The following OTOP1 variants were observed in gnomAD, a reference collection of about 807,000 sequenced individuals.
OTOP1 encodes the protein proton channel OTOP1.
A neutral mutation model predicts 52.9 loss-of-function variants in OTOP1; 59 were observed. That is an observed-to-expected ratio of 1.12 (90% CI 0.91 to 1.39). OTOP1 has a LOEUF of 1.39. Ranked by LOEUF, OTOP1 falls within the 40% of genes most tolerant of loss-of-function variation. The pLI, the probability that OTOP1 is intolerant of heterozygous loss-of-function variation, is 0.00. For synonymous variants in OTOP1, 317 were observed against 337.7 expected (o/e 0.94, Z 0.67); for missense variants, 761 against 800.9 (o/e 0.95, Z 0.60).
intron 1 of OTOP1, among the ~76,000 whole-genome samples, chr4:4,216,035 G>A (rs1471436082): frequency 6.6e-6 from 1 of 152,054 alleles, no homozygotes; most frequent in Non-Finnish European, 1.5e-5. Flanking sequence ...CTGGCCTCAA[G>A]TGGTCCGCCT....
chr4:4,213,074 A>G, intron 1 of OTOP1, 70 bp from the exon 2 acceptor site: 1 of 1,546,578 alleles, frequency 6.5e-7, no homozygotes, highest in Non-Finnish European at 8.9e-7. Context: ...TCATTTCAAA[A>G]TAAATTATAT....
In OTOP1 at chr4:4,200,869, T is replaced by C. The variant is rs931193844; in HGVS notation, c.730+1579A>G. Among the ~76,000 whole-genome samples the C allele has an allele frequency of 5.3e-5, 8 of 152,188 alleles. No individual in the cohort carries two copies. In the South Asian group the frequency reaches 1.7e-3, roughly 32 times the overall value. ...CACTGCCCCCGATAATAATCTTCAA[T>C]TCAAGCAGGGCTTCCCTAGCACTTA... On this transcript the variant is annotated intron_variant, in intron 4 of 5. Transcript: ENST00000296358.
At position 4,212,751 on chromosome 4, in the gene OTOP1, G is replaced by T. The variant is rs1717052706; in HGVS notation, c.540+117C>A. ...CAAAGACAGATTTCAGTTCACTGCA[G>T]TTCACAGCTGTGCACACTGTCTCCA... On this transcript the variant is annotated intron_variant, in intron 2 of 5. Coordinates refer to ENST00000296358, the MANE Select transcript of OTOP1 (RefSeq NM_177998.3). 2.5e-6 allele frequency: 3 copies of T among 1,180,832 alleles called. No homozygotes were observed. In the East Asian group the frequency reaches 7.2e-5, roughly 28 times the overall value. The allele number at this position is 1,180,832 out of a possible 1,614,324, so 73.1% of individuals were successfully genotyped here.
In OTOP1 at chr4:4,226,539, C is replaced by G. The variant is rs765991937; in HGVS notation, c.326G>C (p.Trp109Ser). 5 of 1,602,596 alleles carry G rather than the reference C, an allele frequency of 3.1e-6. No individual in the cohort carries two copies. Among genetic ancestry groups the G allele is most frequent in the Non-Finnish European group, 1.7e-6 (2 of 1,178,170 alleles). The change falls in exon 1 of 6, where the codon TGG becomes TCG. Residue 109 changes from tryptophan to serine, a missense_variant. Transcript: ENST00000296358. ...GTGCGCGGAGCTGCGGCCCACGTACCACAGCATCCACAGCAGCTGCAGCAG... is the reference window on the plus strand; with the variant it reads ...GTGCGCGGAGCTGCGGCCCACGTACGACAGCATCCACAGCAGCTGCAGCAG... ...LMLLQLLWMLWYVGRSSAHRR... is the reference protein window; with the variant it reads ...LMLLQLLWMLSYVGRSSAHRR...
intron 1 of OTOP1, among the ~76,000 whole-genome samples, chr4:4,222,697 T>C (rs889088091): frequency 6.6e-6 from 1 of 152,220 alleles, no homozygotes; most frequent in Non-Finnish European, 1.5e-5. Context: ...ATCACTGCTC[T>C]TTTTCCTGAG....
At chr4:4,213,747 T>C (rs1478732843) in intron 1 of OTOP1, among the ~76,000 whole-genome samples, 1 of 152,202 alleles carries the variant, frequency 6.6e-6, no homozygotes, top group African/African-American at 2.4e-5. Flanking sequence ...ACCTTTTGGA[T>C]ACTGAAAATA....
At position 4,197,312 on chromosome 4, in the gene OTOP1, T is replaced by G. The variant is rs1413591106; in HGVS notation, c.1522A>C (p.Ser508Arg). 3.1e-6 allele frequency: 5 copies of G among 1,613,974 alleles called. No homozygotes were observed. Among genetic ancestry groups the G allele is most frequent in the Non-Finnish European group, 4.2e-6 (5 of 1,180,036 alleles). ...TGCTTCTCCTCCTCCTTGTCATGGC[T>G]TTCTCTCATGCACACATTTCCATTG... ...AANGNVCMRE[S>R]HDKEEEKQEE... is the part of the protein sequence containing the mutation. The change falls in exon 5 of 6, where the codon AGC (serine) becomes CGC (arginine). Residue 508 changes from serine to arginine, a missense_variant. Ser to Arg is a moderately radical substitution (Grantham distance 110, BLOSUM62 -1). This residue lies in a region of OTOP1 where 632 missense variants were observed against 619.5 expected (regional missense o/e 1.02). Transcript: ENST00000296358.
At chr4:4,218,054 G>A (rs1271587894) in intron 1 of OTOP1, among the ~76,000 whole-genome samples, 1 of 152,164 alleles carries the variant, frequency 6.6e-6, no homozygotes, top group African/African-American at 2.4e-5. Flanking sequence ...TTGTCATACA[G>A]AATAGACATT....
At position 4,202,491 on chromosome 4, in the gene OTOP1, G is replaced by A. The variant is rs1433502713; in HGVS notation, c.687C>T (p.His229=). Residue 229 remains histidine (H), a synonymous_variant, in exon 4 of 6, where the codon CAC becomes CAT. Transcript: ENST00000296358. ...AACCCAGAGTGATGAGCCGTTCCTT[G>A]TGCTCATTGAGTTGGTGCTTTGACT... ...LNESKHQLNE[H]KERLITLGFG... 7 of 1,613,936 alleles carry A rather than the reference G, an allele frequency of 4.3e-6. No individual in the cohort carries two copies. Among genetic ancestry groups the A allele is most frequent in the African/African-American group, 1.3e-5 (1 of 74,916 alleles).
rs199742451 is a variant in OTOP1 at position 4,188,849 on chromosome 4, C to G, written c.1793G>C (p.Arg598Pro). 1 of 1,613,776 alleles carries G rather than the reference C, an allele frequency of 6.2e-7. No homozygotes were observed. Among genetic ancestry groups the G allele is most frequent in the East Asian group, 2.2e-5 (1 of 44,880 alleles). Residue 598 changes from arginine to proline, a missense_variant, in exon 6 of 6, where the codon CGA becomes CCA. Physicochemically the swap from Arg to Pro is moderately radical, Grantham distance 103. Around this residue, in one of 3 missense-constraint regions of OTOP1, gnomAD observed 632 missense variants for 619.5 expected, o/e 1.02. Transcript: ENST00000296358. ...AAAGAGGGAGGCAGCTGCGTGCATTCGATAGAAAATAGAAAAAGGCATGGC... is the reference window on the plus strand; with the variant it reads ...AAAGAGGGAGGCAGCTGCGTGCATTGGATAGAAAATAGAAAAAGGCATGGC... ...NLAMPFSIFY[R>P]MHAAASLFEV...
intron 1 of OTOP1, among the ~76,000 whole-genome samples, chr4:4,225,140 T>C (rs1717399635): frequency 6.6e-6 from 1 of 152,226 alleles, no homozygotes; most frequent in African/African-American, 2.4e-5. Flanking sequence ...TGGCAATGTG[T>C]GATGTGCCTG....
rs1194183054 is a variant in OTOP1 at position 4,202,389 on chromosome 4, G to T, written c.730+59C>A. The T allele has an allele frequency of 2.1e-5, 33 of 1,604,700 alleles. No individual in the cohort carries two copies. In the East Asian group the frequency reaches 6.3e-4, roughly 31 times the overall value. ...TCCATCTCTGAACTCTGTGGACTCTGCAGGTTTCCAAGACATTCCAACATG... is the reference window on the plus strand; with the variant it reads ...TCCATCTCTGAACTCTGTGGACTCTTCAGGTTTCCAAGACATTCCAACATG... On this transcript the variant is annotated intron_variant, in intron 4 of 5. Coordinates refer to ENST00000296358, the MANE Select transcript of OTOP1 (RefSeq NM_177998.3).
At chr4:4,206,923 T>C (rs1387932847) in intron 2 of OTOP1, among the ~76,000 whole-genome samples, 2 of 152,246 alleles carry the variant, frequency 1.3e-5, no homozygotes, top group African/African-American at 2.4e-5. Context: ...TCCTCCTATA[T>C]ACCAGGCATT....
intron 5 of OTOP1, among the ~76,000 whole-genome samples, chr4:4,190,869 G>A (rs181739429): frequency 6.6e-6 from 1 of 152,096 alleles, no homozygotes; most frequent in Admixed American, 6.5e-5. Context: ...ATGTTGGCCA[G>A]CGTCCAGGGA....
chr4:4,204,938 T>A (rs921950279), intron 3 of OTOP1, among the ~76,000 whole-genome samples: 3 of 151,672 alleles, frequency 2.0e-5, no homozygotes, highest in Non-Finnish European at 2.9e-5. Flanking sequence ...ACACAGCTAA[T>A]TTTTTTTGTA....
At chr4:4,199,423 G>C (rs1488943096) in intron 4 of OTOP1, among the ~76,000 whole-genome samples, 2 of 151,726 alleles carry the variant, frequency 1.3e-5, no homozygotes, top group African/African-American at 4.8e-5. Context: ...TTTGTGTTTT[G>C]TTTGTTTTGA....
At chr4:4,218,340 C>G (rs1717192913) in intron 1 of OTOP1, among the ~76,000 whole-genome samples, 1 of 147,842 alleles carries the variant, frequency 6.8e-6, no homozygotes, top group Non-Finnish European at 1.5e-5. Context: ...TGCAGTGAAC[C>G]GAGATTGCGC....
chr4:4,198,144 G>A (rs1165052539), intron 4 of OTOP1, 41 bp from the exon 5 acceptor site: 1 of 1,519,912 alleles, frequency 6.6e-7, no homozygotes, highest in Non-Finnish European at 9.1e-7. Context: ...GCGATTAGCA[G>A]GTGCAAGGGG....
intron 1 of OTOP1, among the ~76,000 whole-genome samples, chr4:4,218,391 C>CA (rs202242761): frequency 0.67 from 88,014 of 130,410 alleles, 28,757 homozygotes; most frequent in South Asian, 0.8. Flanking sequence ...GACTCCAACT[C>CA]AAAAAAAAAA....
Sources: gnomAD v4.1 joint callset for allele counts (sites outside exome capture counted in the v4.1 genomes callset) on GRCh38, gnomAD v4.1.1 for gene constraint, gnomAD v4.1.1 regional missense constraint, MANE v1.5 for transcripts, NCBI Gene and HGNC (gene_info 2026-07-23, HGNC 2026-07-21) for gene names.